The following ELOC variants were observed in gnomAD, a reference collection of about 807,000 sequenced individuals.
ELOC encodes the protein elongin-C.
For synonymous variants in ELOC, 40 were observed against 51.3 expected, an observed-to-expected ratio of 0.78 and a Z score of 0.94; for missense variants, 38 against 139.0, an observed-to-expected ratio of 0.27 and a Z score of 3.65.
intron 1 of ELOC, among the ~76,000 whole-genome samples, chr8:73,971,046 A>AAAG (rs1554597721): frequency 2.1e-4 from 32 of 149,874 alleles, no homozygotes; most frequent in Admixed American, 6.0e-4. Context: ...AAAAAAAAAA[A>AAAG]AAAAAGAAAA....
chr8:73,956,987 C>T (rs1272532017), intron 2 of ELOC, among the ~76,000 whole-genome samples: 1 of 151,794 alleles, frequency 6.6e-6, no homozygotes, highest in Non-Finnish European at 1.5e-5. Context: ...CTGGCTAACA[C>T]GGTGAAACCC....
intron 3 of ELOC, among the ~76,000 whole-genome samples, chr8:73,947,201 C>T (rs1286458638): frequency 1.3e-5 from 2 of 152,122 alleles, no homozygotes; most frequent in Admixed American, 1.3e-4. Flanking sequence ...GTTGGTCAGG[C>T]TGGTCTCAAA....
chr8:73,966,409 TTGGGA>T (rs1814973160), intron 1 of ELOC, among the ~76,000 whole-genome samples: 1 of 151,506 alleles, frequency 6.6e-6, no homozygotes, highest in Non-Finnish European at 1.5e-5. Flanking sequence ...AGGTGAGAGT[TTGGGA>T]AGTTGGACTT....
intron 1 of ELOC, among the ~76,000 whole-genome samples, chr8:73,968,684 C>G (rs1815157777): frequency 6.6e-6 from 1 of 152,206 alleles, no homozygotes; most frequent in Admixed American, 6.5e-5. Context: ...TACTAAAGGT[C>G]AACCTTTCCA....
chr8:73,971,924 G>A (rs1478296252), intron 1 of ELOC, 153 bp downstream of exon 1: 3 of 152,194 alleles, frequency 2.0e-5, no homozygotes, highest in Admixed American at 1.3e-4. Flanking sequence ...CCAAACTAGG[G>A]GCTGGGGAGG....
chr8:73,954,230 TAATAA>T (rs1230205141), intron 3 of ELOC, among the ~76,000 whole-genome samples: 9 of 152,082 alleles, frequency 5.9e-5, no homozygotes, highest in Admixed American at 1.3e-4. Context: ...GCTTTTGGAG[TAATAA>T]AATGTTTTGG....
intron 3 of ELOC, 134 bp downstream of exon 3, chr8:73,955,777 G>C (rs966929962): frequency 2.8e-6 from 3 of 1,090,394 alleles, no homozygotes; most frequent in Non-Finnish European, 4.0e-6. Context: ...TCAAACAAAA[G>C]AACAAAAACA....
At chr8:73,967,245 A>C (rs1252965860) in intron 1 of ELOC, among the ~76,000 whole-genome samples, 3 of 152,094 alleles carry the variant, frequency 2.0e-5, no homozygotes, top group Non-Finnish European at 2.9e-5. Context: ...CTCCACCCGT[A>C]TCCTGGAATT....
rs1813343020 is a variant in ELOC at position 73,945,733 on chromosome 8, T to C, written c.*897A>G. 1 of 152,228 alleles carries C rather than the reference T, an allele frequency of 6.6e-6. No individual in the cohort carries two copies. The highest frequency in any genetic ancestry group is 2.4e-5 in the African/African-American group (1 of 41,466). 9.4% of individuals were successfully genotyped at this position (152,228 alleles called of 1,614,324 possible). A position where few individuals can be genotyped will look rare whatever the true frequency, so the allele number is the denominator to read the frequency against. On this transcript the variant is annotated 3_prime_UTR_variant, in exon 4 of 4. Transcript: ENST00000520242. ...ATTTTCACTGTATCTCTTCACATGT[T>C]ATTCCATAACATTCTAATTGGATGG...
At chr8:73,970,092 A>C (rs1412445880) in intron 1 of ELOC, among the ~76,000 whole-genome samples, 1 of 152,160 alleles carries the variant, frequency 6.6e-6, no homozygotes, top group African/African-American at 2.4e-5. Context: ...AAAACAAAAA[A>C]TTAGCTAGGT....
chr8:73,969,428 T>C (rs1486367656), intron 1 of ELOC: 1 of 152,256 alleles, frequency 6.6e-6, no homozygotes, highest in Non-Finnish European at 1.5e-5. Context: ...CAAGCTACCA[T>C]GTCTCAACTG....
rs183010090 is a variant in ELOC, at chr8:73,948,803, C to T, written c.149-1983G>A. Among the ~76,000 whole-genome samples, 46 of 151,992 alleles carry T rather than the reference C, an allele frequency of 3.0e-4. No homozygotes were observed. The Middle Eastern group carries it at 0.014, about 45-fold the overall frequency. On this transcript the variant is annotated intron_variant, in intron 3 of 3. Transcript: ENST00000520242. The stretch of plus-strand genomic sequence containing the variant: ...TGCGCCATGATGGCGCCACTGTACT[C>T]CAGCCTGGGCAAGACAGAGACCCTG...
chr8:73,948,408 C>T (rs756490594), intron 3 of ELOC, among the ~76,000 whole-genome samples: 15 of 151,910 alleles, frequency 9.9e-5, no homozygotes, highest in Non-Finnish European at 1.9e-4. Context: ...TACTGAATTG[C>T]CATGTAAAAA....
intron 3 of ELOC, chr8:73,955,709 G>A (rs1468757000): frequency 1.7e-6 from 1 of 592,930 alleles, no homozygotes; most frequent in Non-Finnish European, 3.0e-6. Flanking sequence ...AGATTGCAGT[G>A]AGCTGAGACC....
chr8:73,949,458 A>G (rs1813606498), intron 3 of ELOC, among the ~76,000 whole-genome samples: 2 of 152,264 alleles, frequency 1.3e-5, no homozygotes, highest in African/African-American at 2.4e-5. Context: ...GGCATTTAGT[A>G]TATTTACAAT....
intron 1 of ELOC, chr8:73,970,496 A>G (rs1044325064): frequency 9.9e-5 from 15 of 152,202 alleles, no homozygotes; most frequent in African/African-American, 3.6e-4. Context: ...TATTTAAGAA[A>G]AAGAGGAACG....
intron 1 of ELOC, among the ~76,000 whole-genome samples, chr8:73,968,775 T>C (rs73335821): frequency 5.2e-4 from 79 of 152,352 alleles, no homozygotes; most frequent in African/African-American, 1.6e-3. Flanking sequence ...TAACCTATTC[T>C]GATCAGCCTT....
At position 73,946,489 on chromosome 8, in the gene ELOC, A is replaced by G. The variant is rs1813390842; in HGVS notation, c.*141T>C. The G allele has an allele frequency of 3.4e-6, 2 of 587,934 alleles. No individual in the cohort carries two copies. Among genetic ancestry groups the G allele is most frequent in the African/African-American group, 3.8e-5 (2 of 53,152 alleles). 36.4% of individuals were successfully genotyped at this position (587,934 alleles called of 1,614,324 possible). Reference sequence around the variant, plus strand: ...ATTTCAACTTTGATTGCTATGCAAAAAAACAAGATAATCTGCTTTGCAATG... The same window carrying G: ...ATTTCAACTTTGATTGCTATGCAAAGAAACAAGATAATCTGCTTTGCAATG... On this transcript the variant is annotated 3_prime_UTR_variant, in exon 4 of 4. Coordinates refer to ENST00000520242, the MANE Select transcript of ELOC (RefSeq NM_005648.4).
At chr8:73,969,538 A>G (rs1209576708) in intron 1 of ELOC, 1 of 152,154 alleles carries the variant, frequency 6.6e-6, no homozygotes, top group Admixed American at 6.5e-5. Flanking sequence ...TATTCCTCGA[A>G]ATCGGTCAAG....
Sources: allele counts gnomAD v4.1 joint callset (sites outside exome capture counted in the v4.1 genomes callset), GRCh38; gene constraint gnomAD v4.1.1; transcripts MANE v1.5; gene names NCBI Gene and HGNC (gene_info 2026-07-23, HGNC 2026-07-21).